Variants in CPEB4 observed in about 807,000 individuals in gnomAD.
The protein encoded by CPEB4 is cytoplasmic polyadenylation element-binding protein 4.
CPEB4 carries 12 observed loss-of-function variants against 72.5 expected under a neutral mutation model. The ratio of observed to expected loss-of-function variants is 0.17; its 90% confidence interval spans 0.11 to 0.27. CPEB4 has a LOEUF of 0.27. CPEB4 is among the 10% of genes least tolerant of loss of function. CPEB4 has a pLI of 1.00. For synonymous variants in CPEB4, 302 were observed against 326.3 expected (o/e 0.93, Z 0.80); for missense variants, 614 against 908.5 (o/e 0.68, Z 4.17).
intron 3 of CPEB4, among the ~76,000 whole-genome samples, chr5:173,940,731 G>A (rs1757808716): frequency 6.6e-6 from 1 of 152,134 alleles, no homozygotes; most frequent in Non-Finnish European, 1.5e-5. Flanking sequence ...CGTTTTGCAT[G>A]TTCCAGAATG....
In CPEB4 at chr5:173,958,297, TC is replaced by T. The variant is rs1758441543; in HGVS notation, c.*2162del. On this transcript the variant is annotated 3_prime_UTR_variant, in exon 10 of 10. Coordinates refer to ENST00000265085, the MANE Select transcript of CPEB4 (RefSeq NM_030627.4). ...GCACTACTTTTGTATATCTTGTTTT[TC>T]CAACAGTGAACATTTTTAGGCACAC... 6.5e-6 allele frequency: 1 copy of T among 152,802 alleles called. No homozygotes were observed. The highest frequency in any genetic ancestry group is 2.4e-5 in the African/African-American group (1 of 41,470). 9.5% of individuals were successfully genotyped at this position (152,802 alleles called of 1,614,324 possible). A position where few individuals can be genotyped will look rare whatever the true frequency, so the allele number is the denominator to read the frequency against.
At chr5:173,949,814 A>G in intron 6 of CPEB4, 146 bp from the exon 7 acceptor site, 1 of 723,346 alleles carries the variant, frequency 1.4e-6, no homozygotes, top group East Asian at 2.6e-5. Flanking sequence ...CTGTATGTTG[A>G]TGTCATCAGA....
At chr5:173,912,411 A>G (rs970734525) in intron 2 of CPEB4, among the ~76,000 whole-genome samples, 1 of 152,124 alleles carries the variant, frequency 6.6e-6, no homozygotes, top group Non-Finnish European at 1.5e-5. Context: ...TTGCCATTTG[A>G]GAACACTGGA....
chr5:173,904,342 C>T (rs1425377648), intron 1 of CPEB4, among the ~76,000 whole-genome samples: 1 of 152,194 alleles, frequency 6.6e-6, no homozygotes, highest in African/African-American at 2.4e-5. Flanking sequence ...CCTATTAGTA[C>T]TGTTACTACC....
At chr5:173,924,570 T>C (rs1757179416) in intron 2 of CPEB4, among the ~76,000 whole-genome samples, 1 of 152,224 alleles carries the variant, frequency 6.6e-6, no homozygotes, top group Non-Finnish European at 1.5e-5. Flanking sequence ...GGAAAGGAAT[T>C]AATTTTGTTA....
At chr5:173,904,390 C>T (rs1189687882) in intron 1 of CPEB4, among the ~76,000 whole-genome samples, 2 of 152,132 alleles carry the variant, frequency 1.3e-5, no homozygotes, top group Non-Finnish European at 2.9e-5. Flanking sequence ...CCCAGAGATG[C>T]ATTTATGATG....
intron 3 of CPEB4, among the ~76,000 whole-genome samples, chr5:173,941,276 CCT>C (rs1375914692): frequency 2.0e-5 from 3 of 152,160 alleles, no homozygotes; most frequent in East Asian, 3.9e-4. Context: ...GTCTTTCTAA[CCT>C]CTGTCTGATT....
chr5:173,893,674 G>A (rs979007222), intron 1 of CPEB4, among the ~76,000 whole-genome samples: 6 of 152,084 alleles, frequency 3.9e-5, no homozygotes, highest in African/African-American at 1.4e-4. Flanking sequence ...TTATAATAAT[G>A]GTATTCAATC....
chr5:173,926,645 G>A (rs1184596650), intron 2 of CPEB4, among the ~76,000 whole-genome samples: 1 of 152,204 alleles, frequency 6.6e-6, no homozygotes, highest in African/African-American at 2.4e-5. Context: ...GGCCTCCAGA[G>A]ACTACTGCTT....
chr5:173,889,936 A>G lies in CPEB4; in HGVS notation c.203A>G (p.His68Arg), dbSNP rs1292563560. ...TGGCTTTTTCCTGCTCCAGCTACCC[A>G]TAACATTCAGGATGAGATCTTGGGG... ...SAWLFPAPAT[H>R]NIQDEILGSE... is the part of the protein sequence containing the mutation. The change falls in exon 1 of 10, where the codon CAT (histidine) becomes CGT (arginine). Residue 68 changes from histidine to arginine, a missense_variant. By Grantham distance (29) the His-to-Arg change is conservative (BLOSUM62 0). This residue lies in a region of CPEB4 where 458 missense variants were observed against 548.6 expected (regional missense o/e 0.83). Coordinates refer to ENST00000265085, the MANE Select transcript of CPEB4 (RefSeq NM_030627.4). 1 of 1,614,200 alleles carries G rather than the reference A, an allele frequency of 6.2e-7. No homozygotes were observed. Among genetic ancestry groups the G allele is most frequent in the Non-Finnish European group, 8.5e-7 (1 of 1,180,026 alleles).
chr5:173,913,843 C>T (rs182072728), intron 2 of CPEB4, among the ~76,000 whole-genome samples: 2 of 152,294 alleles, frequency 1.3e-5, no homozygotes, highest in South Asian at 2.1e-4. Context: ...TCTGGTTAAA[C>T]GGCCACTCTG....
intron 1 of CPEB4, among the ~76,000 whole-genome samples, chr5:173,903,838 A>G (rs1318564545): frequency 1.3e-5 from 2 of 151,886 alleles, no homozygotes; most frequent in Non-Finnish European, 1.5e-5. Context: ...ATTCAGGTGT[A>G]TACTAAAAAC....
intron 1 of CPEB4, 141 bp from the exon 2 acceptor site, chr5:173,910,380 TAA>T (rs1400796410): frequency 1.0e-5 from 6 of 587,960 alleles, no homozygotes; most frequent in Non-Finnish European, 1.9e-5. Context: ...TTGGTGTTAA[TAA>T]TAACATTTAG....
chr5:173,937,017 T>TC (rs200225760), intron 3 of CPEB4, among the ~76,000 whole-genome samples: 3 of 132,366 alleles, frequency 2.3e-5, no homozygotes, highest in African/African-American at 2.7e-5. Context: ...AACATTTCTT[T>TC]CCTTTTTTTT....
chr5:173,905,253 T>G (rs1756392124), intron 1 of CPEB4, among the ~76,000 whole-genome samples: 1 of 152,028 alleles, frequency 6.6e-6, no homozygotes, highest in Non-Finnish European at 1.5e-5. Flanking sequence ...ACTTCACTCT[T>G]CTGTCCCCCA....
At chr5:173,924,591 G>A (rs925744883) in intron 2 of CPEB4, among the ~76,000 whole-genome samples, 4 of 152,208 alleles carry the variant, frequency 2.6e-5, no homozygotes, top group Admixed American at 2.6e-4. Flanking sequence ...AGTACCTACT[G>A]CATATTGAGG....
chr5:173,945,158 T>C lies in CPEB4; in HGVS notation c.1456+18T>C, dbSNP rs201288921. ...TGATGAAGGTATGTTTAGAACTGTT[T>C]ATAGCACGGTGCCCAGATGGTGGCA... On this transcript the variant is annotated intron_variant, in intron 5 of 9. Transcript: ENST00000265085. 5 of 1,598,348 alleles carry C rather than the reference T, an allele frequency of 3.1e-6. No individual in the cohort carries two copies. The highest frequency in any genetic ancestry group is 1.7e-5 in the Admixed American group (1 of 59,410).
intron 2 of CPEB4, chr5:173,910,844 C>A: frequency 4.6e-6 from 2 of 439,268 alleles, no homozygotes; most frequent in Non-Finnish European, 8.1e-6. Flanking sequence ...CAAGAATGGG[C>A]AATTATCTCA....
chr5:173,961,719 T>A lies in CPEB4; in HGVS notation c.*5582T>A, dbSNP rs1174971565. 1 of 27,078 alleles carries A rather than the reference T, an allele frequency of 3.7e-5. No homozygotes were observed. The highest frequency in any genetic ancestry group is 8.6e-5 in the Non-Finnish European group (1 of 11,652). The allele number at this position is 27,078 out of a possible 1,614,324, so 1.7% of individuals were successfully genotyped here. A position where few individuals can be genotyped will look rare whatever the true frequency, so the allele number is the denominator to read the frequency against. On this transcript the variant is annotated 3_prime_UTR_variant, in exon 10 of 10. Coordinates refer to ENST00000265085, the MANE Select transcript of CPEB4 (RefSeq NM_030627.4). The stretch of plus-strand genomic sequence containing the variant: ...GAAAGTAAGTACTTTTTCTAGGGAT[T>A]TTTTTTTTTTTTTAAGTTTGGGAAA...
Sources: allele counts gnomAD v4.1 joint callset (sites outside exome capture counted in the v4.1 genomes callset), GRCh38; gene constraint gnomAD v4.1.1; regional missense constraint gnomAD v4.1.1; transcripts MANE v1.5; gene names NCBI Gene and HGNC (gene_info 2026-07-23, HGNC 2026-07-21).